FTO: variants seen among roughly 807,000 people sequenced by gnomAD.
The protein encoded by FTO is FTO alpha-ketoglutarate dependent dioxygenase.
A neutral mutation model predicts 63.9 loss-of-function variants in FTO; 47 were observed. That is an observed-to-expected ratio of 0.74 (90% confidence interval 0.58 to 0.94). The LOEUF (loss-of-function observed/expected upper bound fraction) is 0.94, where lower values mean the gene tolerates loss of function less well. Ranked by LOEUF, FTO falls within the 40% of genes least tolerant of loss-of-function variation. The pLI, the probability that FTO is intolerant of heterozygous loss-of-function variation, is 0.00. For missense variants in FTO, 562 were observed against 618.1 expected (o/e 0.91, Z 0.96); for synonymous variants, 207 against 224.4 (o/e 0.92, Z 0.69).
At chr16:53,708,541 G>T (rs1284155894) in intron 1 of FTO, among the ~76,000 whole-genome samples, 1 of 152,164 alleles carries the variant, frequency 6.6e-6, no homozygotes, top group Non-Finnish European at 1.5e-5. Context: ...AGATACTTAG[G>T]AGTGGAATTA....
chr16:53,723,812 C>T (rs904104813), intron 1 of FTO, among the ~76,000 whole-genome samples: 3 of 152,126 alleles, frequency 2.0e-5, no homozygotes, highest in African/African-American at 7.2e-5. Context: ...GCTGTCAGCA[C>T]CTGGTACAAA....
rs1220141845 is a variant in FTO at position 53,839,796 on chromosome 16, TTTATTTATTTA to T, written c.752-4356_752-4346del. On this transcript the variant is annotated intron_variant, in intron 3 of 8. Transcript: ENST00000471389. ...TTTTTTTTATTTATTTATTTATTTATTTATTTATTTATTTATTTATTTATTTTAAGGTGCAG... is the reference window on the plus strand; with the variant it reads ...TTTTTTTTATTTATTTATTTATTTATTTTATTTATTTATTTTAAGGTGCAG... 1.1e-3 allele frequency among the ~76,000 whole-genome samples: 113 copies of T among 102,086 alleles called. 1 individual carries two copies. The highest frequency in any genetic ancestry group is 5.0e-3 in the African/African-American group (111 of 22,280). 67.0% of individuals were successfully genotyped at this position (102,086 alleles called of 152,430 possible). A position where few individuals can be genotyped will look rare whatever the true frequency, so the allele number is the denominator to read the frequency against.
intron 1 of FTO, among the ~76,000 whole-genome samples, chr16:53,717,651 C>G (rs1157336773): frequency 6.6e-6 from 1 of 151,948 alleles, no homozygotes; most frequent in African/African-American, 2.4e-5. Flanking sequence ...ATTAGATTAA[C>G]AGTCATGCAT....
At chr16:53,929,086 A>G (rs11864962) in intron 7 of FTO, among the ~76,000 whole-genome samples, 3,760 of 152,164 alleles carry the variant, frequency 0.025, 161 homozygotes, top group African/African-American at 0.085. Flanking sequence ...CAGATGATCT[A>G]CCTGCCTCGG....
intron 8 of FTO, among the ~76,000 whole-genome samples, chr16:54,007,524 G>A (rs2084237585): frequency 6.6e-6 from 1 of 152,174 alleles, no homozygotes; most frequent in Admixed American, 6.5e-5. Flanking sequence ...TGAATTAATA[G>A]ATATAAAGGT....
chr16:54,012,910 T>G (rs940502380), intron 8 of FTO, among the ~76,000 whole-genome samples: 1 of 152,040 alleles, frequency 6.6e-6, no homozygotes, highest in Non-Finnish European at 1.5e-5. Context: ...CTGATGGAGA[T>G]AAATGAGATT....
intron 8 of FTO, among the ~76,000 whole-genome samples, chr16:53,963,349 G>T (rs2083125272): frequency 6.6e-6 from 1 of 152,148 alleles, no homozygotes; most frequent in African/African-American, 2.4e-5. Context: ...GGCCTAGATT[G>T]ACCTCTTTTG....
intron 1 of FTO, among the ~76,000 whole-genome samples, chr16:53,808,335 A>G (rs1366582050): frequency 7.4e-6 from 1 of 134,452 alleles, no homozygotes. Flanking sequence ...CCCTGTCTCC[A>G]AAAAAAAAAA....
chr16:53,905,584 T>A (rs1393711861), intron 7 of FTO, among the ~76,000 whole-genome samples: 1 of 152,240 alleles, frequency 6.6e-6, no homozygotes, highest in Non-Finnish European at 1.5e-5. Flanking sequence ...GTATAATCCA[T>A]GCTTTCCATT....
Position 53,704,196 on chromosome 16 carries a change from C to G in FTO, c.12C>G (p.Thr4=), listed in dbSNP as rs115368866. The G allele has an allele frequency of 1.6e-4, 247 of 1,551,444 alleles. 1 individual carries two copies. The African/African-American group carries it at 2.9e-3, about 18-fold the overall frequency. MKR[T]PTAEEREREA... The stretch of plus-strand genomic sequence containing the variant: ...GCTTTAGTGGCAGCATGAAGCGCAC[C>G]CCGACTGCCGAGGAACGAGAGCGCG... The change falls in exon 1 of 9, where the codon ACC becomes ACG. Residue 4 remains threonine, a synonymous_variant. Transcript: ENST00000471389.
At chr16:53,712,556 A>T (rs2075800419) in intron 1 of FTO, among the ~76,000 whole-genome samples, 1 of 152,230 alleles carries the variant, frequency 6.6e-6, no homozygotes, top group Non-Finnish European at 1.5e-5. Context: ...TAAACTATCG[A>T]GTAACAGTGA....
At chr16:54,032,144 G>T (rs2084847976) in intron 8 of FTO, among the ~76,000 whole-genome samples, 3 of 152,212 alleles carry the variant, frequency 2.0e-5, no homozygotes, top group Admixed American at 1.3e-4. Context: ...GATTTGAGTT[G>T]TTCTTGCTTG....
intron 8 of FTO, among the ~76,000 whole-genome samples, chr16:54,097,816 G>A (rs1301108693): frequency 6.6e-6 from 1 of 152,150 alleles, no homozygotes; most frequent in Non-Finnish European, 1.5e-5. Context: ...GATGGGGAGT[G>A]CTAGAGTTGG....
intron 8 of FTO, among the ~76,000 whole-genome samples, chr16:54,060,096 C>A (rs890140369): frequency 2.6e-5 from 4 of 152,066 alleles, no homozygotes; most frequent in Non-Finnish European, 5.9e-5. Flanking sequence ...TGAATAATTT[C>A]TTTTGTTCCT....
In FTO at chr16:54,117,543, T is replaced by G. The variant is rs1271076843; in HGVS notation, c.*5628T>G. ...ATGATGAAAAATATGATCCGTGATA[T>G]CCTGACCAAAATATTAAAGGGACTA... On this transcript the variant is annotated 3_prime_UTR_variant, in exon 9 of 9. Transcript: ENST00000471389. 6.6e-6 allele frequency: 1 copy of G among 152,198 alleles called. No homozygotes were observed. The highest frequency in any genetic ancestry group is 2.4e-5 in the African/African-American group (1 of 41,440). 9.4% of individuals were successfully genotyped at this position (152,198 alleles called of 1,614,324 possible). A position where few individuals can be genotyped will look rare whatever the true frequency, so the allele number is the denominator to read the frequency against.
chr16:54,051,083 A>G (rs116456804), intron 8 of FTO, among the ~76,000 whole-genome samples: 250 of 151,876 alleles, frequency 1.6e-3, no homozygotes, highest in African/African-American at 6.0e-3. Flanking sequence ...ATGTTGACAT[A>G]AAGTTTTCTG....
At chr16:53,862,355 G>C (rs991702938) in intron 4 of FTO, among the ~76,000 whole-genome samples, 1 of 152,050 alleles carries the variant, frequency 6.6e-6, no homozygotes, top group Non-Finnish European at 1.5e-5. Flanking sequence ...CTACATTATG[G>C]TTTCATTTTG....
intron 8 of FTO, among the ~76,000 whole-genome samples, chr16:53,960,814 A>G (rs1567475902): frequency 6.6e-6 from 1 of 152,136 alleles, no homozygotes; most frequent in Non-Finnish European, 1.5e-5. Flanking sequence ...CAAATGGCTG[A>G]TTAACCAGCC....
chr16:53,758,415 G>A (rs1479520370), intron 1 of FTO, among the ~76,000 whole-genome samples: 1 of 152,186 alleles, frequency 6.6e-6, no homozygotes, highest in East Asian at 1.9e-4. Context: ...GTTGTTTGGG[G>A]AGGTTATGTA....
Sources: gnomAD v4.1 joint callset for allele counts (sites outside exome capture counted in the v4.1 genomes callset) on GRCh38, gnomAD v4.1.1 for gene constraint, MANE v1.5 for transcripts, NCBI Gene and HGNC (gene_info 2026-07-23, HGNC 2026-07-21) for gene names.